SLC28A1: variants seen among roughly 807,000 people sequenced by gnomAD.
The protein encoded by SLC28A1 is solute carrier family 28 member 1, also known as sodium/nucleoside cotransporter 1.
Under a neutral mutation model 74.8 loss-of-function variants are expected in SLC28A1, and 64 were observed. The observed-to-expected ratio is 0.86, with a 90% CI of 0.70 to 1.05. The LOEUF (loss-of-function observed/expected upper bound fraction) is 1.05. SLC28A1 is among the 50% of genes least tolerant of loss of function. The probability of loss-of-function intolerance (pLI) is 0.00; values close to 1 mark genes in which losing one functional copy is unlikely to be tolerated. For missense variants in SLC28A1, 828 were observed against 822.8 expected, an observed-to-expected ratio of 1.01 and a Z score of -0.08; for synonymous variants, 359 against 335.0, an observed-to-expected ratio of 1.07 and a Z score of -0.78.
At chr15:84,945,830 C>G (rs1454709134), downstream of SLC28A1, 1 of 155,274 alleles carries the variant, frequency 6.4e-6, no homozygotes, top group African/African-American at 2.4e-5. Context: ...GTTTTTTTAA[C>G]TGTGAACTTG....
At chr15:84,968,740 T>A in the SLC28A1 span, among the ~76,000 whole-genome samples, 1 of 152,272 alleles carries the variant, frequency 6.6e-6, no homozygotes, top group East Asian at 1.9e-4. Flanking sequence ...GTTGCCTTCT[T>A]GTTAAGTGAT....
At chr15:84,957,523 T>A in the SLC28A1 span, among the ~76,000 whole-genome samples, 1 of 152,190 alleles carries the variant, frequency 6.6e-6, no homozygotes, top group Admixed American at 6.5e-5. Flanking sequence ...CATCTATGCC[T>A]CCCAAATTTC....
At chr15:84,944,084 C>T (rs1369015024) in intron 16 of SLC28A1, among the ~76,000 whole-genome samples, 1 of 152,152 alleles carries the variant, frequency 6.6e-6, no homozygotes, top group Non-Finnish European at 1.5e-5. Flanking sequence ...CTGCCTGTTC[C>T]CACACCCACA....
At chr15:84,945,094 G>C (rs768190800) in intron 18 of SLC28A1, 31 bp from the exon 19 acceptor site, 1 of 1,605,300 alleles carries the variant, frequency 6.2e-7, no homozygotes, top group Non-Finnish European at 8.5e-7. Context: ...CAGGCCTGGA[G>C]CTCCCACTGC....
downstream of SLC28A1, among the ~76,000 whole-genome samples, chr15:84,947,775 C>G (rs1567197930): frequency 6.6e-6 from 1 of 152,104 alleles, no homozygotes. Context: ...TTATCACCTC[C>G]CAAAGACCCC....
At chr15:84,956,460 T>TTTCC in the SLC28A1 span, among the ~76,000 whole-genome samples, 1 of 77,716 alleles carries the variant, frequency 1.3e-5, no homozygotes, top group African/African-American at 5.0e-5. Context: ...TCTTTCTTTC[T>TTTCC]TTCTTTCCTT....
At chr15:84,921,474 GTCTTT>G (rs56141991) in intron 11 of SLC28A1, among the ~76,000 whole-genome samples, 13,112 of 152,184 alleles carry the variant, frequency 0.086, 766 homozygotes, top group Admixed American at 0.12. Context: ...GCATCATTTT[GTCTTT>G]TCTTTTCTCC....
chr15:84,933,316 A>G, intron 13 of SLC28A1, 41 bp downstream of exon 13: 2 of 1,605,372 alleles, frequency 1.2e-6, no homozygotes, highest in Non-Finnish European at 1.7e-6. Context: ...GTAGTGGTAC[A>G]AGGTGGGGGG....
intron 5 of SLC28A1, 148 bp from the exon 6 acceptor site, chr15:84,894,792 C>A: frequency 1.3e-6 from 1 of 773,998 alleles, no homozygotes; most frequent in Admixed American, 2.0e-5. Flanking sequence ...GTTTTCATTT[C>A]CAGATGAGGA....
intron 15 of SLC28A1, among the ~76,000 whole-genome samples, chr15:84,941,675 G>A (rs978535344): frequency 5.3e-5 from 8 of 152,198 alleles, no homozygotes; most frequent in African/African-American, 1.2e-4. Flanking sequence ...CTTGATGCCC[G>A]GAGTTTGAGA....
chr15:84,963,953 C>T, the SLC28A1 span, among the ~76,000 whole-genome samples: 1 of 152,322 alleles, frequency 6.6e-6, no homozygotes, highest in Middle Eastern at 3.4e-3. Context: ...CCACAGGCTG[C>T]TCCAGACGCT....
At chr15:84,973,356 G>A in the SLC28A1 span, among the ~76,000 whole-genome samples, 2 of 152,212 alleles carry the variant, frequency 1.3e-5, no homozygotes, top group African/African-American at 4.8e-5. Flanking sequence ...AAAAGTCCAA[G>A]CATAGTTAGT....
At position 84,944,134 on chromosome 15, in the gene SLC28A1, G is replaced by C. The variant is rs1178843214; in HGVS notation, c.1664-432G>C. Among the ~76,000 whole-genome samples the C allele has an allele frequency of 5.3e-5, 8 of 152,306 alleles. No homozygotes were observed. In the East Asian group the frequency reaches 1.5e-3, roughly 29 times the overall value. On this transcript the variant is annotated intron_variant, in intron 16 of 18. Transcript: ENST00000394573. ...AGGCCTGGTGGGGCCTAAGGTCGAA[G>C]GGTCTGCACAGTTCTCAGTTCTTTA... is the stretch of plus-strand genomic sequence containing the variant.
At chr15:84,886,849 C>A in intron 2 of SLC28A1, 62 bp downstream of exon 2, 3 of 828,616 alleles carry the variant, frequency 3.6e-6, no homozygotes, top group Non-Finnish European at 4.4e-6. Context: ...TGAGCCAGGG[C>A]ATTCCCAGGC....
chr15:84,962,635 C>T, the SLC28A1 span, among the ~76,000 whole-genome samples: 1 of 151,980 alleles, frequency 6.6e-6, no homozygotes, highest in African/African-American at 2.4e-5. Flanking sequence ...GATGGGGTTT[C>T]ACCATGTTGC....
Position 84,933,150 on chromosome 15 carries a change from T to C in SLC28A1, c.1089T>C (p.Asp363=). ...CTGCACTCTCACTCTTGCAGATCGA[T>C]GCCACCTCGTTGATTGCAGCCTCTG... The part of the protein sequence containing the change: ...LLGAYISFGI[D]ATSLIAASVM... Residue 363 remains aspartate (D), a synonymous_variant, in exon 13 of 19, where the codon GAT becomes GAC. Transcript: ENST00000394573. 1 of 1,613,432 alleles carries C rather than the reference T, an allele frequency of 6.2e-7. No homozygotes were observed. Among genetic ancestry groups the C allele is most frequent in the Non-Finnish European group, 8.5e-7 (1 of 1,179,644 alleles).
At position 84,924,099 on chromosome 15, in the gene SLC28A1, A is replaced by G. The variant is rs147738027; in HGVS notation, c.1072A>G (p.Ile358Val). 1.1e-5 allele frequency: 17 copies of G among 1,613,008 alleles called. No individual in the cohort carries two copies. The African/African-American group carries it at 2.0e-4, about 19-fold the overall frequency. The change falls in exon 12 of 19, where the codon ATC becomes GTC. Residue 358 changes from isoleucine (I) to valine (V), a missense_variant. Coordinates refer to ENST00000394573, the MANE Select transcript of SLC28A1 (RefSeq NM_004213.5). ...TIAGSLLGAY[I>V]SFGIDATSLI... is the part of the protein sequence containing the mutation. The stretch of plus-strand genomic sequence containing the variant: ...TGCTGGCAGCCTGCTGGGTGCCTAC[A>G]TCTCCTTTGGGGTAGGTAGAGCCCT...
intron 15 of SLC28A1, among the ~76,000 whole-genome samples, chr15:84,936,414 C>T (rs1359585174): frequency 1.3e-5 from 2 of 152,060 alleles, no homozygotes; most frequent in African/African-American, 4.8e-5. Flanking sequence ...CCTGCCACCA[C>T]GCTCAGCTAA....
chr15:84,892,692 G>A (rs1031390723), intron 5 of SLC28A1, among the ~76,000 whole-genome samples: 1 of 152,126 alleles, frequency 6.6e-6, no homozygotes, highest in Non-Finnish European at 1.5e-5. Context: ...GTTCACAGAC[G>A]TTCTGGGAAT....
Sources: gnomAD v4.1 joint callset for allele counts (sites outside exome capture counted in the v4.1 genomes callset) on GRCh38, gnomAD v4.1.1 for gene constraint, MANE v1.5 for transcripts, NCBI Gene and HGNC (gene_info 2026-07-23, HGNC 2026-07-21) for gene names.